The following ERAP1 variants were observed in gnomAD, a reference collection of about 807,000 sequenced individuals.
The protein encoded by ERAP1 is endoplasmic reticulum aminopeptidase 1, also known as adipocyte-derived leucine aminopeptidase.
In ERAP1, 86 loss-of-function variants were observed where a neutral mutation model predicts 103.7. The observed-to-expected ratio is 0.83, with a 90% CI of 0.70 to 0.99. The LOEUF is 0.99. Ranked by LOEUF, ERAP1 falls within the 50% of genes least tolerant of loss-of-function variation. The pLI is 0.00. For missense variants in ERAP1, 1,009 were observed against 1,128.4 expected, an observed-to-expected ratio of 0.89 and a Z score of 1.52; for synonymous variants, 398 against 402.4, an observed-to-expected ratio of 0.99 and a Z score of 0.13.
chr5:96,847,940 AGTAC>A, the ERAP1 span, among the ~76,000 whole-genome samples: 3 of 152,234 alleles, frequency 2.0e-5, no homozygotes, highest in African/African-American at 7.2e-5. Flanking sequence ...ATCCAGAGTT[AGTAC>A]AAGGAAGGAA....
chr5:96,842,012 C>T, the ERAP1 span, among the ~76,000 whole-genome samples: 110 of 152,200 alleles, frequency 7.2e-4, no homozygotes, highest in African/African-American at 2.6e-3. Context: ...AGCTTAGCTC[C>T]CACTTACAAG....
At chr5:96,921,854 C>T in the ERAP1 span, among the ~76,000 whole-genome samples, 13 of 152,226 alleles carry the variant, frequency 8.5e-5, no homozygotes, top group Non-Finnish European at 1.5e-4. Flanking sequence ...ATAGTAATAG[C>T]ACCTGGTATG....
At chr5:96,916,403 G>A in the ERAP1 span, among the ~76,000 whole-genome samples, 2 of 151,096 alleles carry the variant, frequency 1.3e-5, no homozygotes. Flanking sequence ...TTAAAGTTTG[G>A]AAGCGTACTT....
At chr5:96,858,934 C>A in the ERAP1 span, among the ~76,000 whole-genome samples, 1 of 152,136 alleles carries the variant, frequency 6.6e-6, no homozygotes, top group Non-Finnish European at 1.5e-5. Context: ...ACAAATCCAA[C>A]AACATCACAA....
At chr5:96,856,659 C>T in the ERAP1 span, among the ~76,000 whole-genome samples, 3 of 152,024 alleles carry the variant, frequency 2.0e-5, no homozygotes, top group African/African-American at 7.2e-5. Flanking sequence ...GGTCCTCATC[C>T]CATTAACTGG....
chr5:96,906,185 CT>C, the ERAP1 span, among the ~76,000 whole-genome samples: 46 of 150,746 alleles, frequency 3.1e-4, no homozygotes, highest in African/African-American at 8.0e-4. Context: ...GACACTGTCT[CT>C]TTTTTTTTTC....
the ERAP1 span, among the ~76,000 whole-genome samples, chr5:96,856,878 T>C: frequency 2.6e-5 from 4 of 152,206 alleles, no homozygotes; most frequent in African/African-American, 7.2e-5. Context: ...TGCTCCCTCT[T>C]ATTGGACTTT....
chr5:96,765,896 G>A (rs1769767785), intron 19 of ERAP1, among the ~76,000 whole-genome samples: 1 of 152,138 alleles, frequency 6.6e-6, no homozygotes, highest in South Asian at 2.1e-4. Context: ...GCAGTCTGTT[G>A]AAGTCATCTG....
the ERAP1 span, chr5:96,889,274 C>G: frequency 6.2e-7 from 1 of 1,613,742 alleles, no homozygotes; most frequent in South Asian, 1.1e-5. Context: ...ATGAAAAGTA[C>G]TTTGATATCT....
intron 19 of ERAP1, chr5:96,765,315 A>AT: frequency 7.7e-7 from 1 of 1,300,418 alleles, no homozygotes; most frequent in Non-Finnish European, 1.1e-6. Context: ...CCAATGGAAG[A>AT]TAAAGTAAAG....
the ERAP1 span, among the ~76,000 whole-genome samples, chr5:96,819,414 C>A: frequency 7.8e-4 from 118 of 152,098 alleles, no homozygotes; most frequent in African/African-American, 2.7e-3. Context: ...AGCTATTTCA[C>A]TAACAATGGG....
chr5:96,806,623 C>CTTTTTTTTTTTTTTTTTTT (rs75649816), intron 1 of ERAP1, among the ~76,000 whole-genome samples: 1 of 128,020 alleles, frequency 7.8e-6, no homozygotes, highest in South Asian at 2.6e-4. Context: ...CAAGATCCCT[C>CTTTTTTTTTTTTTTTTTTT]TTTTTTTTTT....
intron 18 of ERAP1, chr5:96,779,680 C>A (rs1774871095): frequency 6.5e-6 from 1 of 153,664 alleles, no homozygotes; most frequent in Admixed American, 6.5e-5. Context: ...CTATAGGAAA[C>A]CTTATTATAG....
intron 19 of ERAP1, chr5:96,765,118 C>T: frequency 1.4e-6 from 1 of 713,328 alleles, no homozygotes; most frequent in Non-Finnish European, 2.5e-6. Flanking sequence ...CTTTTTCTTC[C>T]AAGGAAACAG....
intron 19 of ERAP1, chr5:96,765,132 C>A: frequency 2.7e-6 from 2 of 754,038 alleles, no homozygotes; most frequent in Non-Finnish European, 4.7e-6. Context: ...GAAACAGGTT[C>A]CCTCCTGAAA....
chr5:96,770,607 A>G (rs759878208), downstream of ERAP1: 1 of 1,596,154 alleles, frequency 6.3e-7, no homozygotes, highest in Admixed American at 1.7e-5. Flanking sequence ...GCAAAGGTAA[A>G]TGGAGCAGTA....
chr5:96,854,436 G>GA, the ERAP1 span, among the ~76,000 whole-genome samples: 1 of 151,590 alleles, frequency 6.6e-6, no homozygotes, highest in South Asian at 2.1e-4. Flanking sequence ...AGGCCAATGT[G>GA]AAAAAACAAA....
At position 96,781,236 on chromosome 5, in the gene ERAP1, G is replaced by C. The variant is rs27042; in HGVS notation, c.2448-38C>G. The C allele has an allele frequency of 7.5e-6, 12 of 1,595,658 alleles. No homozygotes were observed. The African/African-American group carries it at 1.5e-4, about 20-fold the overall frequency. ...AGAAAAGAAATGTTAGCAATGAATA[G>C]GTGATGAAACAGTTATGAATCACTG... On this transcript the variant is annotated intron_variant, in intron 16 of 18. Transcript: ENST00000443439.
At chr5:96,915,881 TTG>T in the ERAP1 span, 10 of 951,036 alleles carry the variant, frequency 1.1e-5, no homozygotes, top group African/African-American at 1.7e-4. Context: ...TTTAAAAAAG[TTG>T]TTTGTCCAAT....
Sources: gnomAD v4.1 joint callset for allele counts (sites outside exome capture counted in the v4.1 genomes callset) on GRCh38, gnomAD v4.1.1 for gene constraint, MANE v1.5 for transcripts, NCBI Gene and HGNC (gene_info 2026-07-23, HGNC 2026-07-21) for gene names.